CUL1: variants seen among roughly 807,000 people sequenced by gnomAD.
The protein encoded by CUL1 is cullin-1.
In CUL1, 24 loss-of-function variants were observed where a neutral mutation model predicts 118.0. The observed-to-expected ratio is 0.20, with a 90% confidence interval of 0.15 to 0.29. The LOEUF (loss-of-function observed/expected upper bound fraction) is 0.29, where lower values mean the gene tolerates loss of function less well. CUL1 is among the 10% of genes least tolerant of loss of function. CUL1 has a pLI of 1.00. For synonymous variants in CUL1, 332 were observed against 340.4 expected, an observed-to-expected ratio of 0.98 and a Z score of 0.27; for missense variants, 361 against 933.8, an observed-to-expected ratio of 0.39 and a Z score of 7.99.
chr7:148,786,938 G>A, intron 12 of CUL1, 51 bp from the exon 13 acceptor site: 1 of 1,588,112 alleles, frequency 6.3e-7, no homozygotes, highest in Non-Finnish European at 8.5e-7. Context: ...GCTCTGCACT[G>A]TTGGCTTGTG....
chr7:148,775,527 C>G (rs1800365668), intron 9 of CUL1, among the ~76,000 whole-genome samples: 1 of 152,038 alleles, frequency 6.6e-6, no homozygotes, highest in Non-Finnish European at 1.5e-5. Context: ...TTTTAAGAAA[C>G]AAATGTGCAG....
chr7:148,699,306 A>C (rs2129458659), intron 1 of CUL1, among the ~76,000 whole-genome samples: 1 of 151,474 alleles, frequency 6.6e-6, no homozygotes, highest in African/African-American at 2.4e-5. Flanking sequence ...ACGCACTGGG[A>C]AAAAGCACGA....
rs1209429094 is a variant in CUL1, at chr7:148,754,078, T to A, written c.243T>A (p.Ala81=). ...AAAAGGGGCAGACACCTGGAGGAGC[T>A]CAGTTTGTTGGCCTGGAATTATATA... is the stretch of plus-strand genomic sequence containing the variant. ...KSKKGQTPGG[A]QFVGLELYKR... The change falls in exon 3 of 22, where the codon GCT becomes GCA. Residue 81 remains alanine (A), a synonymous_variant. Transcript: ENST00000325222. 6.2e-7 allele frequency: 1 copy of A among 1,613,880 alleles called. No homozygotes were observed. The highest frequency in any genetic ancestry group is 1.3e-5 in the African/African-American group (1 of 75,044).
intron 2 of CUL1, among the ~76,000 whole-genome samples, chr7:148,750,404 C>T (rs1799450253): frequency 6.6e-6 from 1 of 151,506 alleles, no homozygotes; most frequent in Non-Finnish European, 1.5e-5. Context: ...CACCCATTAA[C>T]TCGTCATTTA....
At chr7:148,773,991 A>G (rs374428137) in intron 9 of CUL1, among the ~76,000 whole-genome samples, 1 of 152,164 alleles carries the variant, frequency 6.6e-6, no homozygotes, top group Non-Finnish European at 1.5e-5. Context: ...CATCTTAGTT[A>G]CACTTCCCAT....
intron 1 of CUL1, among the ~76,000 whole-genome samples, chr7:148,729,381 G>A (rs1288797447): frequency 6.6e-6 from 1 of 152,158 alleles, no homozygotes; most frequent in Non-Finnish European, 1.5e-5. Context: ...AGTAGATGTG[G>A]CACTGAGCTT....
At chr7:148,721,902 C>G (rs1563150030) in intron 1 of CUL1, among the ~76,000 whole-genome samples, 1 of 152,114 alleles carries the variant, frequency 6.6e-6, no homozygotes, top group Non-Finnish European at 1.5e-5. Context: ...AACAGTGCAG[C>G]AAATGCATGT....
chr7:148,732,500 C>T (rs1030193488), intron 2 of CUL1, among the ~76,000 whole-genome samples: 1 of 151,862 alleles, frequency 6.6e-6, no homozygotes, highest in African/African-American at 2.4e-5. Flanking sequence ...CACCATCATG[C>T]CCGGCTAATT....
At chr7:148,701,726 A>G (rs1013717689) in intron 1 of CUL1, among the ~76,000 whole-genome samples, 1 of 152,222 alleles carries the variant, frequency 6.6e-6, no homozygotes, top group Non-Finnish European at 1.5e-5. Flanking sequence ...CAGTATACCC[A>G]GTGGTGTCTG....
intron 2 of CUL1, among the ~76,000 whole-genome samples, chr7:148,749,179 G>C (rs982245533): frequency 7.2e-5 from 11 of 152,198 alleles, no homozygotes; most frequent in Non-Finnish European, 1.3e-4. Context: ...CACCTTGGGA[G>C]GCAGAGGTGG....
chr7:148,717,043 T>TTTTGTTTTGTTTTG (rs1798235834), intron 1 of CUL1, among the ~76,000 whole-genome samples: 7 of 150,622 alleles, frequency 4.6e-5, no homozygotes, highest in South Asian at 2.1e-4. Context: ...TTGTTTTTCA[T>TTTTGTTTTGTTTTG]TTTTGTTTTG....
chr7:148,754,572 A>G (rs545588524), intron 3 of CUL1, among the ~76,000 whole-genome samples: 9 of 152,232 alleles, frequency 5.9e-5, no homozygotes, highest in Admixed American at 2.0e-4. Flanking sequence ...GTTAGAAATG[A>G]TGAACTTTTT....
intron 1 of CUL1, among the ~76,000 whole-genome samples, chr7:148,709,909 C>T (rs1426730719): frequency 2.6e-5 from 4 of 151,968 alleles, no homozygotes; most frequent in Non-Finnish European, 5.9e-5. Context: ...GTAGTGAAAC[C>T]CCATCTGTAC....
At chr7:148,798,549 G>T (rs754953713) in intron 19 of CUL1, 23 bp from the exon 20 acceptor site, 1 of 1,554,956 alleles carries the variant, frequency 6.4e-7, no homozygotes, top group Non-Finnish European at 8.9e-7. Flanking sequence ...AATAGTGATC[G>T]GTTTCCTCAT....
At chr7:148,783,041 G>C (rs562218869) in intron 9 of CUL1, among the ~76,000 whole-genome samples, 1 of 152,284 alleles carries the variant, frequency 6.6e-6, no homozygotes, top group East Asian at 1.9e-4. Context: ...GGGCTTTCGC[G>C]GTCTCATGAA....
chr7:148,707,405 A>C (rs1797918049), intron 1 of CUL1, among the ~76,000 whole-genome samples: 1 of 152,236 alleles, frequency 6.6e-6, no homozygotes, highest in Admixed American at 6.5e-5. Flanking sequence ...ATATTAAAAA[A>C]ATTTTAAAGC....
intron 1 of CUL1, among the ~76,000 whole-genome samples, chr7:148,713,680 G>A (rs1475324634): frequency 1.3e-5 from 2 of 152,124 alleles, no homozygotes; most frequent in Non-Finnish European, 2.9e-5. Context: ...CAAAATGTGT[G>A]TATTTGAAGG....
At position 148,772,136 on chromosome 7, in the gene CUL1, C is replaced by T. The variant is rs115558145; in HGVS notation, c.1083+4387C>T. Among the ~76,000 whole-genome samples the T allele has an allele frequency of 4.8e-3, 732 of 152,198 alleles. 9 individuals carry two copies. Among genetic ancestry groups the T allele is most frequent in the African/African-American group, 0.016 (666 of 41,510 alleles). On this transcript the variant is annotated intron_variant, in intron 9 of 21. Transcript: ENST00000325222. Reference sequence around the variant, plus strand: ...GAAAATACTGTCACACATTCAGGTCCGGGCGCAGTGGCTCACACCTGTAAT... The same window carrying T: ...GAAAATACTGTCACACATTCAGGTCTGGGCGCAGTGGCTCACACCTGTAAT...
intron 1 of CUL1, among the ~76,000 whole-genome samples, chr7:148,699,279 G>T (rs1233803348): frequency 6.6e-6 from 1 of 152,002 alleles, no homozygotes; most frequent in Non-Finnish European, 1.5e-5. Context: ...ACGGGCCGGG[G>T]CGGCCAGGCC....
Sources: allele counts gnomAD v4.1 joint callset (sites outside exome capture counted in the v4.1 genomes callset), GRCh38; gene constraint gnomAD v4.1.1; transcripts MANE v1.5; gene names NCBI Gene and HGNC (gene_info 2026-07-23, HGNC 2026-07-21).